EBF1: variants seen among roughly 807,000 people sequenced by gnomAD.
The protein encoded by EBF1 is transcription factor COE1.
Under a neutral mutation model 68.4 loss-of-function variants are expected in EBF1, and 10 were observed. The observed-to-expected ratio is 0.15, with a 90% CI of 0.09 to 0.25. The LOEUF (loss-of-function observed/expected upper bound fraction) is 0.25, where lower values mean the gene tolerates loss of function less well. Among genes scored for constraint, EBF1 ranks in the 10% least tolerant of loss-of-function variants. EBF1 has a pLI of 1.00. For missense variants in EBF1, 509 were observed against 794.4 expected, an observed-to-expected ratio of 0.64 and a Z score of 4.32; for synonymous variants, 298 against 299.8, an observed-to-expected ratio of 0.99 and a Z score of 0.06.
chr5:158,704,256 C>A (rs548607436), intron 15 of EBF1, among the ~76,000 whole-genome samples: 2 of 152,228 alleles, frequency 1.3e-5, no homozygotes, highest in East Asian at 3.9e-4. Context: ...GTGACATGGC[C>A]GTGCTTAGTT....
intron 6 of EBF1, among the ~76,000 whole-genome samples, chr5:158,900,308 G>A (rs1235202333): frequency 6.6e-6 from 1 of 152,126 alleles, no homozygotes; most frequent in Non-Finnish European, 1.5e-5. Flanking sequence ...GGAGTGGAGG[G>A]TGCAAAACAA....
chr5:159,009,246 G>C (rs932628741), intron 6 of EBF1, among the ~76,000 whole-genome samples: 1 of 152,166 alleles, frequency 6.6e-6, no homozygotes, highest in Non-Finnish European at 1.5e-5. Context: ...TGTCCACTTT[G>C]TGGTTCTGTC....
rs1004160351 is a variant in EBF1, at chr5:158,731,099, C to T, written c.1095G>A (p.Arg365=). 6.2e-7 allele frequency: 1 copy of T among 1,614,040 alleles called. No homozygotes were observed. Among genetic ancestry groups the T allele is most frequent in the South Asian group, 1.1e-5 (1 of 91,040 alleles). Residue 365 remains arginine (R), a synonymous_variant, in exon 11 of 16, where the codon CGG becomes CGA. Coordinates refer to ENST00000313708, the MANE Select transcript of EBF1 (RefSeq NM_024007.5). ...GCAAACGCTCAGGGTCACCAGGGTGCCGAGGAATGACCTTCTGTAACCTCT... is the reference window on the plus strand; with the variant it reads ...GCAAACGCTCAGGGTCACCAGGGTGTCGAGGAATGACCTTCTGTAACCTCT... ...GFQRLQKVIP[R]HPGDPERLPK... is the part of the protein sequence containing the mutation.
intron 6 of EBF1, among the ~76,000 whole-genome samples, chr5:158,948,377 T>A (rs372663711): frequency 1.1e-3 from 159 of 146,214 alleles, no homozygotes; most frequent in Middle Eastern, 0.01. Context: ...CTGGAATGTT[T>A]AAAAAAAAAA....
chr5:158,941,295 A>C, intron 6 of EBF1: 1 of 455,038 alleles, frequency 2.2e-6, no homozygotes, highest in Non-Finnish European at 4.4e-6. Flanking sequence ...AACACGTACA[A>C]ATACAGCAAA....
At chr5:158,982,980 G>A (rs191947124) in intron 6 of EBF1, 28 of 152,144 alleles carry the variant, frequency 1.8e-4, no homozygotes, top group African/African-American at 5.8e-4. Context: ...AGGATCTGCC[G>A]CCCCTGGCAC....
At chr5:159,046,192 C>T (rs1284290126) in intron 6 of EBF1, among the ~76,000 whole-genome samples, 3 of 152,182 alleles carry the variant, frequency 2.0e-5, no homozygotes, top group Admixed American at 1.3e-4. Context: ...ACACTCTGTC[C>T]CACCATTTAA....
rs1179093119 is a variant in EBF1, at chr5:158,878,611, C to T, written c.555-38501G>A. Among the ~76,000 whole-genome samples the T allele has an allele frequency of 1.3e-4, 20 of 151,430 alleles. No individual in the cohort carries two copies. In the Admixed American group the frequency reaches 1.3e-3, roughly 10 times the overall value. ...CTCAGACGAGTAATTTGAGCAATTT[C>T]CCCAAGATCACACATTTCTACTTCT... On this transcript the variant is annotated intron_variant, in intron 6 of 15. Coordinates refer to ENST00000313708, the MANE Select transcript of EBF1 (RefSeq NM_024007.5).
intron 6 of EBF1, among the ~76,000 whole-genome samples, chr5:159,062,414 AC>A (rs1219226485): frequency 6.7e-6 from 1 of 149,834 alleles, no homozygotes; most frequent in East Asian, 2.0e-4. Flanking sequence ...CCTGTGGGTA[AC>A]TTCAAGCCCC....
In EBF1 at chr5:159,053,603, T is replaced by TCACACACA. The variant is rs576102189; in HGVS notation, c.554+19792_554+19793insTGTGTGTG. On this transcript the variant is annotated intron_variant, in intron 6 of 15. Transcript: ENST00000313708. Reference sequence around the variant, plus strand: ...ACCCCTCTCTCCCTCTCTCTCTCTCTCTCACACACACACACACACACACAC... The same window carrying TCACACACA: ...ACCCCTCTCTCCCTCTCTCTCTCTCTCACACACACTCACACACACACACACACACACAC... 2.6e-3 allele frequency among the ~76,000 whole-genome samples: 373 copies of TCACACACA among 145,340 alleles called. 2 individuals are homozygous for TCACACACA. The highest frequency in any genetic ancestry group is 8.3e-3 in the African/African-American group (312 of 37,506).
intron 10 of EBF1, among the ~76,000 whole-genome samples, chr5:158,744,701 C>T (rs546230968): frequency 9.2e-5 from 14 of 152,270 alleles, no homozygotes; most frequent in Admixed American, 3.3e-4. Flanking sequence ...AAGAGCCATA[C>T]AAGAAAGCGT....
chr5:158,732,422 T>C (rs1224517577), intron 10 of EBF1, among the ~76,000 whole-genome samples: 3 of 152,182 alleles, frequency 2.0e-5, no homozygotes, highest in African/African-American at 7.2e-5. Flanking sequence ...TATGATAATC[T>C]TGTGGTTTTA....
chr5:158,709,310 C>T (rs558784961), intron 14 of EBF1, among the ~76,000 whole-genome samples: 29 of 150,298 alleles, frequency 1.9e-4, no homozygotes, highest in Middle Eastern at 3.4e-3. Context: ...AACCTTAAGT[C>T]GGGGCCTATC....
At chr5:158,915,772 G>C (rs1048160681) in intron 6 of EBF1, among the ~76,000 whole-genome samples, 4 of 152,128 alleles carry the variant, frequency 2.6e-5, no homozygotes, top group African/African-American at 9.7e-5. Flanking sequence ...GACATAGTAA[G>C]TAAAAACAAG....
intron 10 of EBF1, among the ~76,000 whole-genome samples, chr5:158,773,562 C>T (rs1774341242): frequency 6.6e-6 from 1 of 152,060 alleles, no homozygotes; most frequent in Non-Finnish European, 1.5e-5. Context: ...TCTCAGGGTA[C>T]CCCTAGGCTG....
chr5:158,767,302 TA>T (rs1772924897), intron 10 of EBF1, among the ~76,000 whole-genome samples: 1 of 152,184 alleles, frequency 6.6e-6, no homozygotes, highest in Admixed American at 6.6e-5. Flanking sequence ...AAGTATGCAT[TA>T]TGTTCACAAT....
intron 6 of EBF1, among the ~76,000 whole-genome samples, chr5:158,921,368 C>T (rs1808397347): frequency 6.6e-6 from 1 of 152,202 alleles, no homozygotes; most frequent in South Asian, 2.1e-4. Context: ...TCTCATTTGG[C>T]CTCAGTTATA....
At chr5:158,864,952 G>A (rs887172960) in intron 6 of EBF1, among the ~76,000 whole-genome samples, 12 of 152,176 alleles carry the variant, frequency 7.9e-5, no homozygotes, top group Non-Finnish European at 1.6e-4. Flanking sequence ...GGACAGCTCT[G>A]CCAGGAGGTG....
intron 9 of EBF1, among the ~76,000 whole-genome samples, chr5:158,790,611 A>G (rs1306604602): frequency 6.6e-6 from 1 of 152,194 alleles, no homozygotes; most frequent in Non-Finnish European, 1.5e-5. Flanking sequence ...CCCTAGAAGA[A>G]AGACCAGCAG....
Sources: allele counts gnomAD v4.1 joint callset (sites outside exome capture counted in the v4.1 genomes callset), GRCh38; gene constraint gnomAD v4.1.1; transcripts MANE v1.5; gene names NCBI Gene and HGNC (gene_info 2026-07-23, HGNC 2026-07-21).